The following GABRA5 variants were observed in gnomAD, a reference collection of about 807,000 sequenced individuals.
The protein encoded by GABRA5 is gamma-aminobutyric acid type A receptor subunit alpha5.
GABRA5 carries 18 observed loss-of-function variants against 47.3 expected under a neutral mutation model. The observed-to-expected ratio is 0.38, with a 90% CI of 0.26 to 0.56. The LOEUF (loss-of-function observed/expected upper bound fraction) is 0.56, where lower values mean the gene tolerates loss of function less well. Among genes scored for constraint, GABRA5 ranks in the 20% least tolerant of loss-of-function variants. The pLI, the probability that GABRA5 is intolerant of heterozygous loss-of-function variation, is 0.71. For synonymous variants in GABRA5, 237 were observed against 229.3 expected, an observed-to-expected ratio of 1.03 and a Z score of -0.30; for missense variants, 365 against 599.3, an observed-to-expected ratio of 0.61 and a Z score of 4.08.
At position 26,880,977 on chromosome 15, in the gene GABRA5, C is replaced by G. The variant is rs770160961; in HGVS notation, c.208+10C>G. Reference sequence around the variant, plus strand: ...CGGCCCGGGCTGGGAGGTGAGTGTGCTCTCCTCAGCTGAGCCCAGCAAGGA... The same window carrying G: ...CGGCCCGGGCTGGGAGGTGAGTGTGGTCTCCTCAGCTGAGCCCAGCAAGGA... On this transcript the variant is annotated intron_variant, in intron 4 of 10. Transcript: ENST00000335625. 6 of 1,613,394 alleles carry G rather than the reference C, an allele frequency of 3.7e-6. No homozygotes were observed. The South Asian group carries it at 5.5e-5, about 15-fold the overall frequency.
At chr15:26,884,518 A>G (rs954654190) in intron 6 of GABRA5, among the ~76,000 whole-genome samples, 1 of 152,200 alleles carries the variant, frequency 6.6e-6, no homozygotes. Context: ...AAAAGGAAGC[A>G]CATTCCTTTT....
intron 7 of GABRA5, among the ~76,000 whole-genome samples, chr15:26,919,875 G>T (rs1453430668): frequency 6.6e-6 from 1 of 151,938 alleles, no homozygotes; most frequent in Non-Finnish European, 1.5e-5. Context: ...CATTTTTGAA[G>T]GAGAGTTCTG....
intron 6 of GABRA5, among the ~76,000 whole-genome samples, chr15:26,887,110 C>T (rs75236233): frequency 0.1 from 15,454 of 152,094 alleles, 879 homozygotes; most frequent in East Asian, 0.17. Flanking sequence ...GTCATTCCCA[C>T]ATAGTATCCA....
At chr15:26,905,613 C>A (rs554567345) in intron 6 of GABRA5, among the ~76,000 whole-genome samples, 1 of 152,012 alleles carries the variant, frequency 6.6e-6, no homozygotes, top group East Asian at 1.9e-4. Context: ...CATTATGTAT[C>A]ATTTGATACT....
At position 26,883,480 on chromosome 15, in the gene GABRA5, G is replaced by A. The variant is rs1210383697; in HGVS notation, c.420G>A (p.Lys140=). ...TPDTFFHNGK[K]SIAHNMTTPN... is the part of the protein sequence containing the mutation. ...ACACGTTCTTCCACAACGGGAAGAA[G>A]TCCATCGCTCACAACATGACCACGC... Residue 140 remains lysine (K), a synonymous_variant, in exon 6 of 11, where the codon AAG becomes AAA. Transcript: ENST00000335625. This position sits in a 1 kb window ranked among gnomAD's most constrained non-coding sequence, Gnocchi z 4.8. 1 of 1,614,052 alleles carries A rather than the reference G, an allele frequency of 6.2e-7. No homozygotes were observed. The highest frequency in any genetic ancestry group is 8.5e-7 in the Non-Finnish European group (1 of 1,180,042).
intron 4 of GABRA5, among the ~76,000 whole-genome samples, chr15:26,881,996 CG>C (rs1892741033): frequency 1.3e-5 from 2 of 152,112 alleles, no homozygotes; most frequent in Admixed American, 1.3e-4. Flanking sequence ...CACAGTGCCC[CG>C]CCTAGTATTT....
rs998597516 is a variant in GABRA5, at chr15:26,883,431, T to C, written c.371T>C (p.Leu124Pro). 6.2e-7 allele frequency: 1 copy of C among 1,614,130 alleles called. No individual in the cohort carries two copies. The highest frequency in any genetic ancestry group is 8.5e-7 in the Non-Finnish European group (1 of 1,179,994). Reference sequence around the variant, plus strand: ...CAGCGCCTCCCTCTCAACAACCTCCTTGCCAGCAAGATCTGGACCCCAGAC... The same window carrying C: ...CAGCGCCTCCCTCTCAACAACCTCCCTGCCAGCAAGATCTGGACCCCAGAC... The part of the protein sequence containing the change: ...PMQRLPLNNL[L>P]ASKIWTPDTF... Residue 124 changes from leucine (L) to proline (P), a missense_variant, in exon 6 of 11, where the codon CTT becomes CCT. Leu to Pro is a moderately conservative substitution (Grantham distance 98). Around this residue, in one of 3 missense-constraint regions of GABRA5, gnomAD observed 216 missense variants for 335.3 expected, o/e 0.64. Transcript: ENST00000335625. The surrounding 1 kb of genome is among the most constrained non-coding windows in gnomAD (Gnocchi z 4.8).
intron 8 of GABRA5, among the ~76,000 whole-genome samples, chr15:26,938,718 T>C (rs1169880286): frequency 6.6e-6 from 1 of 152,208 alleles, no homozygotes; most frequent in Non-Finnish European, 1.5e-5. Context: ...CTGCGGACTA[T>C]GGGGAAAGTG....
chr15:26,893,005 G>C (rs966023759), intron 6 of GABRA5, among the ~76,000 whole-genome samples: 1 of 149,670 alleles, frequency 6.7e-6, no homozygotes, highest in African/African-American at 2.5e-5. Flanking sequence ...TGTGTGTGTA[G>C]TGTGTTGTGT....
At chr15:26,938,732 C>G (rs1030994159) in intron 8 of GABRA5, among the ~76,000 whole-genome samples, 2 of 152,250 alleles carry the variant, frequency 1.3e-5, no homozygotes, top group Non-Finnish European at 2.9e-5. Flanking sequence ...GAAAGTGCAC[C>G]TTTGCACTGC....
chr15:26,877,115 G>A (rs1892618453), intron 3 of GABRA5, among the ~76,000 whole-genome samples: 1 of 152,158 alleles, frequency 6.6e-6, no homozygotes, highest in African/African-American at 2.4e-5. Flanking sequence ...TTAGGATTTG[G>A]CAGGAATATC....
rs369568018 is a variant in GABRA5 at position 26,939,926 on chromosome 15, C to G, written c.726C>G (p.Gly242=). The G allele has an allele frequency of 6.2e-7, 1 of 1,613,838 alleles. No individual in the cohort carries two copies. The highest frequency in any genetic ancestry group is 8.5e-7 in the Non-Finnish European group (1 of 1,179,828). ...VGTENISTST[G]EYTIMTAHFH... ...GTGCAGTCATTTGCTTATTTGCAGG[C>G]GAATACACAATCATGACAGCTCACT... is the stretch of plus-strand genomic sequence containing the variant. The change falls in exon 9 of 11, where the codon GGC becomes GGG. Residue 242 remains glycine, a splice_region_variant and synonymous_variant. Transcript: ENST00000335625.
intron 6 of GABRA5, among the ~76,000 whole-genome samples, chr15:26,904,663 T>A (rs1303183416): frequency 6.6e-6 from 1 of 152,110 alleles, no homozygotes; most frequent in Non-Finnish European, 1.5e-5. Context: ...ATAGTTCTCA[T>A]TGTAGAGCTC....
upstream of GABRA5, chr15:26,866,966 G>C (rs1211143072): frequency 1.3e-5 from 2 of 152,254 alleles, no homozygotes; most frequent in African/African-American, 4.8e-5. Flanking sequence ...CTCTCCCCTT[G>C]CAGGCCGAGC....
chr15:26,915,988 A>C (rs189757197), intron 7 of GABRA5, among the ~76,000 whole-genome samples: 1 of 152,310 alleles, frequency 6.6e-6, no homozygotes, highest in East Asian at 1.9e-4. Flanking sequence ...GCTTCTTGAC[A>C]GGATGCATGT....
intron 7 of GABRA5, among the ~76,000 whole-genome samples, chr15:26,928,033 A>C (rs1894002393): frequency 6.6e-6 from 1 of 152,200 alleles, no homozygotes; most frequent in African/African-American, 2.4e-5. Flanking sequence ...TAAACACAAC[A>C]AGACTATTTA....
chr15:26,946,789 C>CAAA (rs61497260), intron 10 of GABRA5, among the ~76,000 whole-genome samples: 18 of 149,936 alleles, frequency 1.2e-4, no homozygotes, highest in African/African-American at 3.4e-4. Context: ...ATTTTATATC[C>CAAA]AAAAAAAAAA....
intron 3 of GABRA5, among the ~76,000 whole-genome samples, chr15:26,876,599 G>A (rs1248592550): frequency 6.6e-6 from 1 of 152,190 alleles, no homozygotes; most frequent in Non-Finnish European, 1.5e-5. Context: ...CAGAAGAGAA[G>A]CTTCCTTGGG....
chr15:26,875,286 C>T (rs1465352665), intron 3 of GABRA5, among the ~76,000 whole-genome samples: 1 of 152,206 alleles, frequency 6.6e-6, no homozygotes, highest in African/African-American at 2.4e-5. Flanking sequence ...TTGCCCACAT[C>T]TGCAATGTCT....
Sources: allele counts gnomAD v4.1 joint callset (sites outside exome capture counted in the v4.1 genomes callset), GRCh38; gene constraint gnomAD v4.1.1; regional missense constraint gnomAD v4.1.1; non-coding constraint Gnocchi (gnomAD v3.1); transcripts MANE v1.5; gene names NCBI Gene and HGNC (gene_info 2026-07-23, HGNC 2026-07-21).